The following TRHDE variants were observed in gnomAD, a reference collection of about 807,000 sequenced individuals.
The protein encoded by TRHDE is thyrotropin-releasing hormone-degrading ectoenzyme.
A neutral mutation model predicts 125.7 loss-of-function variants in TRHDE; 72 were observed. The observed-to-expected ratio is 0.57, with a 90% CI of 0.47 to 0.70. TRHDE has a LOEUF of 0.70. Ranked by LOEUF, TRHDE falls within the 30% of genes least tolerant of loss-of-function variation. The probability of loss-of-function intolerance (pLI) is 0.00; values close to 1 mark genes in which losing one functional copy is unlikely to be tolerated. For missense variants in TRHDE, 1,110 were observed against 1,327.1 expected (o/e 0.84, Z 2.54); for synonymous variants, 509 against 509.1 (o/e 1.00, Z 0.00).
At chr12:72,362,309 G>A (rs2135753088) in intron 2 of TRHDE, among the ~76,000 whole-genome samples, 1 of 150,444 alleles carries the variant, frequency 6.6e-6, no homozygotes, top group Middle Eastern at 3.4e-3. Flanking sequence ...TTCTCTGATG[G>A]CCAGTGATGG....
intron 2 of TRHDE, among the ~76,000 whole-genome samples, chr12:72,329,757 C>T (rs980310339): frequency 3.9e-5 from 6 of 152,088 alleles, no homozygotes; most frequent in Admixed American, 3.3e-4. Flanking sequence ...TAGTTTACAC[C>T]ATGAAATTAT....
At chr12:72,621,006 G>A in intron 13 of TRHDE, 102 bp from the exon 14 acceptor site, 2 of 564,166 alleles carry the variant, frequency 3.5e-6, no homozygotes, top group Non-Finnish European at 6.3e-6. Context: ...TTTGAAAGTA[G>A]GTACATTTTA....
In TRHDE at chr12:72,452,147, A is replaced by C. The variant is rs372037334; in HGVS notation, c.1316-17611A>C. On this transcript the variant is annotated intron_variant, in intron 3 of 18. Transcript: ENST00000261180. ...CTTTTGTCAGGGTTTTATAGTTTTC[A>C]TCATACAGGTATTCTGCCTTATTGG... Among the ~76,000 whole-genome samples, 58 of 150,676 alleles carry C rather than the reference A, an allele frequency of 3.8e-4. No homozygotes were observed. In the East Asian group the frequency reaches 9.6e-3, roughly 25 times the overall value.
intron 4 of TRHDE, among the ~76,000 whole-genome samples, chr12:72,471,086 A>G (rs559711870): frequency 6.6e-6 from 1 of 152,050 alleles, no homozygotes; most frequent in East Asian, 1.9e-4. Context: ...CATCTTGGCT[A>G]GGCTGGTCTC....
intron 12 of TRHDE, among the ~76,000 whole-genome samples, chr12:72,595,226 C>T (rs181767497): frequency 6.6e-6 from 1 of 151,046 alleles, no homozygotes; most frequent in African/African-American, 2.4e-5. Context: ...AACTAACCTG[C>T]ACATTGTGCA....
At chr12:72,321,661 G>T (rs535677727) in intron 2 of TRHDE, among the ~76,000 whole-genome samples, 9 of 152,106 alleles carry the variant, frequency 5.9e-5, no homozygotes, top group Non-Finnish European at 1.0e-4. Context: ...TATACATTAT[G>T]TTCTAAATAT....
intron 2 of TRHDE, chr12:72,258,235 T>G (rs1478703450): frequency 6.6e-6 from 1 of 152,132 alleles, no homozygotes; most frequent in Admixed American, 6.5e-5. Context: ...ATAAAAGTAG[T>G]GCAGAAGGTA....
intron 2 of TRHDE, among the ~76,000 whole-genome samples, chr12:72,171,782 A>G (rs1029051131): frequency 2.6e-5 from 4 of 152,204 alleles, no homozygotes; most frequent in Admixed American, 6.5e-5. Flanking sequence ...ATGTTTCCCA[A>G]GAGCTCTCCT....
intron 3 of TRHDE, among the ~76,000 whole-genome samples, chr12:72,384,682 C>A (rs1447047518): frequency 6.6e-6 from 1 of 152,004 alleles, no homozygotes; most frequent in Admixed American, 6.5e-5. Context: ...CAACATTTTT[C>A]TATAATAGAA....
At chr12:72,212,153 A>T (rs1877795566) in intron 2 of TRHDE, among the ~76,000 whole-genome samples, 1 of 152,086 alleles carries the variant, frequency 6.6e-6, no homozygotes, top group South Asian at 2.1e-4. Flanking sequence ...TTTCATGTAC[A>T]TATTTTCTGA....
intron 2 of TRHDE, among the ~76,000 whole-genome samples, chr12:72,172,251 T>A (rs1876889616): frequency 6.6e-6 from 1 of 152,204 alleles, no homozygotes; most frequent in South Asian, 2.1e-4. Flanking sequence ...ATGTATGACC[T>A]ATATATGATT....
At chr12:72,230,373 C>G (rs1394613820) in intron 2 of TRHDE, among the ~76,000 whole-genome samples, 1 of 152,116 alleles carries the variant, frequency 6.6e-6, no homozygotes, top group African/African-American at 2.4e-5. Flanking sequence ...TTACTTCTTA[C>G]ATGAATGCAT....
intron 5 of TRHDE, among the ~76,000 whole-genome samples, chr12:72,484,215 T>C (rs1021104678): frequency 6.6e-6 from 1 of 152,168 alleles, no homozygotes; most frequent in Admixed American, 6.5e-5. Context: ...TTATGACTAA[T>C]GTGCAAAATG....
rs554853707 is a variant in TRHDE at position 72,210,414 on chromosome 12, G to T, written n.279+104662G>T. 4.6e-5 allele frequency among the ~76,000 whole-genome samples: 7 copies of T among 152,142 alleles called. No individual in the cohort carries two copies. The East Asian group carries it at 1.4e-3, about 29-fold the overall frequency. ...TTTCTTGCCCTGCAGATTAAGCTCA[G>T]TGAAAAGGAAAGAAAGGTTAGGAAA... On this transcript the variant is annotated intron_variant and non_coding_transcript_variant, in intron 2 of 4. Transcript: ENST00000548156.
At chr12:72,337,829 G>C (rs1869898079) in intron 2 of TRHDE, among the ~76,000 whole-genome samples, 1 of 139,808 alleles carries the variant, frequency 7.2e-6, no homozygotes, top group African/African-American at 2.6e-5. Context: ...TATTTTTATT[G>C]TCAGCCCTCT....
chr12:72,414,404 G>T (rs1308578863), intron 3 of TRHDE, among the ~76,000 whole-genome samples: 3 of 152,030 alleles, frequency 2.0e-5, no homozygotes, highest in Non-Finnish European at 2.9e-5. Context: ...GCTACTTGAG[G>T]TTATGCTTCT....
At chr12:72,199,458 A>C (rs1877511338) in intron 2 of TRHDE, among the ~76,000 whole-genome samples, 1 of 152,158 alleles carries the variant, frequency 6.6e-6, no homozygotes, top group African/African-American at 2.4e-5. Flanking sequence ...TGGGCTGGTG[A>C]AACTACCTGG....
intron 12 of TRHDE, among the ~76,000 whole-genome samples, chr12:72,615,148 A>G (rs1306727745): frequency 1.3e-5 from 2 of 152,106 alleles, no homozygotes; most frequent in African/African-American, 2.4e-5. Flanking sequence ...TTCCCAAATC[A>G]TCTCTTATGC....
intron 2 of TRHDE, among the ~76,000 whole-genome samples, chr12:72,369,728 T>C (rs1201181826): frequency 6.6e-6 from 1 of 152,132 alleles, no homozygotes; most frequent in African/African-American, 2.4e-5. Flanking sequence ...CCTAGTGTAA[T>C]GTCCTTTCCA....
Sources: gnomAD v4.1 joint callset for allele counts (sites outside exome capture counted in the v4.1 genomes callset) on GRCh38, gnomAD v4.1.1 for gene constraint, MANE v1.5 for transcripts, NCBI Gene and HGNC (gene_info 2026-07-23, HGNC 2026-07-21) for gene names.